Variants in ENKUR observed in about 807,000 individuals in gnomAD.
The protein encoded by ENKUR is enkurin.
ENKUR carries 19 observed loss-of-function variants against 27.6 expected under a neutral mutation model. That is an observed-to-expected ratio of 0.69 (90% CI 0.48 to 1.01). ENKUR has a LOEUF of 1.01. ENKUR is among the 50% of genes least tolerant of loss of function. ENKUR has a pLI of 0.00. For missense variants in ENKUR, 312 were observed against 310.5 expected, an observed-to-expected ratio of 1.00 and a Z score of -0.04; for synonymous variants, 117 against 96.9, an observed-to-expected ratio of 1.21 and a Z score of -1.22.
At chr10:25,056,998 CT>C (rs1275617236) in intron 2 of ENKUR, among the ~76,000 whole-genome samples, 1 of 152,188 alleles carries the variant, frequency 6.6e-6, no homozygotes, top group African/African-American at 2.4e-5. Flanking sequence ...GGTCTCATCG[CT>C]CTCCAGATCA....
At chr10:24,999,324 A>G in intron 2 of ENKUR, 77 bp downstream of exon 2, 2 of 1,398,064 alleles carry the variant, frequency 1.4e-6, no homozygotes, top group Non-Finnish European at 9.8e-7. Flanking sequence ...CATGTTTAAT[A>G]TTCATCAACA....
At chr10:25,027,865 T>TA (rs1261306607) in intron 2 of ENKUR, among the ~76,000 whole-genome samples, 2 of 151,876 alleles carry the variant, frequency 1.3e-5, no homozygotes, top group Non-Finnish European at 2.9e-5. Context: ...TAAATAAAAA[T>TA]AAAAAAGACA....
chr10:25,002,337 A>T (rs1053766528), intron 1 of ENKUR, among the ~76,000 whole-genome samples: 25 of 151,694 alleles, frequency 1.6e-4, no homozygotes, highest in African/African-American at 5.3e-4. Context: ...TCTCTATGCA[A>T]CTCTCCTCTC....
chr10:25,016,170 G>T, upstream of ENKUR: 1 of 1,191,794 alleles, frequency 8.4e-7, no homozygotes, highest in Admixed American at 4.5e-5. Context: ...CGGTTGCCGT[G>T]GAAACCGTTA....
intron 2 of ENKUR, among the ~76,000 whole-genome samples, chr10:25,041,650 C>G (rs1015122319): frequency 6.6e-6 from 1 of 152,094 alleles, no homozygotes; most frequent in African/African-American, 2.4e-5. Context: ...GATCTATTGT[C>G]AAGTTTACTG....
chr10:25,057,428 C>CACAA (rs57431152), intron 2 of ENKUR, among the ~76,000 whole-genome samples: 15,076 of 131,880 alleles, frequency 0.11, 1,055 homozygotes, highest in Non-Finnish European at 0.12. Flanking sequence ...CACACACACA[C>CACAA]AATGCCCTTA....
At chr10:25,002,368 T>C (rs1404889332) in intron 1 of ENKUR, among the ~76,000 whole-genome samples, 1 of 152,224 alleles carries the variant, frequency 6.6e-6, no homozygotes, top group Non-Finnish European at 1.5e-5. Context: ...TGCTGTGAAT[T>C]CTAGCAGCTT....
intron 1 of ENKUR, among the ~76,000 whole-genome samples, chr10:25,006,604 C>T (rs559705286): frequency 5.9e-5 from 9 of 152,290 alleles, no homozygotes; most frequent in African/African-American, 1.9e-4. Context: ...CCTTACTTTT[C>T]TATCATAATT....
At chr10:25,035,455 T>C (rs1156356280) in intron 2 of ENKUR, among the ~76,000 whole-genome samples, 1 of 151,932 alleles carries the variant, frequency 6.6e-6, no homozygotes, top group Non-Finnish European at 1.5e-5. Context: ...CTTGGGAGGC[T>C]GAGGCAGGAG....
At chr10:25,029,319 AG>A (rs1268658324) in intron 2 of ENKUR, among the ~76,000 whole-genome samples, 4 of 152,188 alleles carry the variant, frequency 2.6e-5, no homozygotes, top group Non-Finnish European at 4.4e-5. Flanking sequence ...GCCTAAATGT[AG>A]GGAATTTGTA....
At chr10:25,024,943 C>A (rs781236924) in intron 2 of ENKUR, 2 of 1,613,860 alleles carry the variant, frequency 1.2e-6, no homozygotes, top group East Asian at 2.2e-5. Context: ...AAACCTAGAA[C>A]GACATTTACA....
At chr10:25,030,660 C>T (rs1850923890) in intron 2 of ENKUR, among the ~76,000 whole-genome samples, 2 of 152,088 alleles carry the variant, frequency 1.3e-5, no homozygotes, top group South Asian at 2.1e-4. Context: ...GATGGGCTTT[C>T]TCAATATGGA....
intron 2 of ENKUR, chr10:25,024,868 T>C: frequency 1.2e-6 from 2 of 1,614,066 alleles, no homozygotes; most frequent in Non-Finnish European, 1.7e-6. Context: ...AACAGGACAT[T>C]ATGATCTAAG....
At chr10:24,991,388 T>C (rs1409984552) in intron 3 of ENKUR, among the ~76,000 whole-genome samples, 1 of 151,964 alleles carries the variant, frequency 6.6e-6, no homozygotes, top group East Asian at 1.9e-4. Context: ...TATGCCTCCA[T>C]CCTGTGCCTA....
At chr10:25,042,262 G>C (rs992809216) in intron 2 of ENKUR, among the ~76,000 whole-genome samples, 1 of 150,158 alleles carries the variant, frequency 6.7e-6, no homozygotes, top group African/African-American at 2.5e-5. Flanking sequence ...TACTATCTTT[G>C]GAAAGATTTT....
intron 2 of ENKUR, chr10:25,024,298 C>T: frequency 1.2e-6 from 2 of 1,614,160 alleles, no homozygotes; most frequent in South Asian, 2.2e-5. Context: ...ACAGCTTATG[C>T]CTCATATTTT....
intron 2 of ENKUR, among the ~76,000 whole-genome samples, chr10:25,052,979 G>A (rs1045010757): frequency 2.0e-5 from 3 of 151,356 alleles, no homozygotes; most frequent in African/African-American, 7.3e-5. Flanking sequence ...ATGTTGGTTG[G>A]GCTGGTCTTG....
chr10:24,995,556 C>G, intron 3 of ENKUR, 90 bp downstream of exon 3: 1 of 1,127,544 alleles, frequency 8.9e-7, no homozygotes, highest in Non-Finnish European at 1.3e-6. Context: ...CCAATGAGAG[C>G]ACTAATAATG....
At chr10:25,005,514 C>G (rs1441852252) in intron 1 of ENKUR, among the ~76,000 whole-genome samples, 3 of 152,012 alleles carry the variant, frequency 2.0e-5, no homozygotes, top group Non-Finnish European at 4.4e-5. Context: ...AACAACTTTT[C>G]TTTTTCAATT....
Sources: allele counts gnomAD v4.1 joint callset (sites outside exome capture counted in the v4.1 genomes callset), GRCh38; gene constraint gnomAD v4.1.1; transcripts MANE v1.5; gene names NCBI Gene and HGNC (gene_info 2026-07-23, HGNC 2026-07-21).